The following EBF4 variants were observed in gnomAD, a reference collection of about 807,000 sequenced individuals.
EBF4 encodes EBF transcription factor 4, also known as transcription factor COE4.
A neutral mutation model predicts 67.1 loss-of-function variants in EBF4; 34 were observed. The observed-to-expected ratio is 0.51, with a 90% confidence interval of 0.39 to 0.67. EBF4 has a LOEUF of 0.67. Ranked by LOEUF, EBF4 falls within the 30% of genes least tolerant of loss-of-function variation. The pLI is 0.00. For synonymous variants in EBF4, 387 were observed against 377.7 expected (o/e 1.02, Z -0.29); for missense variants, 837 against 873.3 (o/e 0.96, Z 0.52).
At chr20:2,749,592 C>G (rs1274816751) in intron 8 of EBF4, 28 bp from the exon 9 acceptor site, 4 of 1,550,166 alleles carry the variant, frequency 2.6e-6, no homozygotes, top group African/African-American at 1.4e-5. Flanking sequence ...GCGCGGTCCC[C>G]TGACCTGGGT....
At chr20:2,740,532 C>T (rs1349979980) in intron 6 of EBF4, among the ~76,000 whole-genome samples, 3 of 152,134 alleles carry the variant, frequency 2.0e-5, no homozygotes. Flanking sequence ...CTTTGAGTTA[C>T]TGACAGCTTT....
At chr20:2,750,064 G>C (rs1600242661) in intron 10 of EBF4, 91 bp downstream of exon 10, 1 of 1,457,132 alleles carries the variant, frequency 6.9e-7, no homozygotes, top group East Asian at 2.5e-5. Context: ...ATAGGAGTTA[G>C]CCGAGCTCTA....
At chr20:2,710,699 C>T (rs2087530937) in intron 6 of EBF4, among the ~76,000 whole-genome samples, 1 of 152,114 alleles carries the variant, frequency 6.6e-6, no homozygotes, top group Non-Finnish European at 1.5e-5. Flanking sequence ...AGCAAACTGT[C>T]TCCCACCTCT....
At chr20:2,724,458 T>C (rs1454144437) in intron 6 of EBF4, among the ~76,000 whole-genome samples, 6 of 152,236 alleles carry the variant, frequency 3.9e-5, no homozygotes, top group African/African-American at 1.4e-4. Flanking sequence ...CTTTTAGAAG[T>C]TCCTTGAAAA....
In EBF4 at chr20:2,712,927, G is replaced by A. The variant is rs78251073; in HGVS notation, c.557+3285G>A. Among the ~76,000 whole-genome samples the A allele has an allele frequency of 6.0e-3, 908 of 152,314 alleles. 5 individuals carry two copies. The highest frequency in any genetic ancestry group is 0.02 in the Middle Eastern group (6 of 294). ...TGACCATTAGATTTAGCAATGAGGA[G>A]GATATTGGTGACTGTCACGGGAGTC... On this transcript the variant is annotated intron_variant, in intron 6 of 16. Coordinates refer to ENST00000609451, the Ensembl canonical transcript of EBF4.
chr20:2,723,556 A>G (rs958165312), intron 6 of EBF4, among the ~76,000 whole-genome samples: 1 of 151,916 alleles, frequency 6.6e-6, no homozygotes, highest in Admixed American at 6.6e-5. Flanking sequence ...TCACCGTGTT[A>G]GCCAGGATGG....
exon 9 of EBF4, chr20:2,749,664 A>G: frequency 1.3e-6 from 2 of 1,567,648 alleles, no homozygotes; most frequent in Non-Finnish European, 1.7e-6. Flanking sequence ...GGAGGGCTGG[A>G]CCACGGGCGG....
At chr20:2,748,680 G>A in intron 7 of EBF4, 50 bp downstream of exon 7, 2 of 1,515,342 alleles carry the variant, frequency 1.3e-6, no homozygotes, top group Non-Finnish European at 1.8e-6. Context: ...TTTCCTGATG[G>A]AGGGGAGGGG....
intron 14 of EBF4, 60 bp downstream of exon 14, chr20:2,752,605 C>A: frequency 8.4e-7 from 1 of 1,185,206 alleles, no homozygotes; most frequent in Non-Finnish European, 1.1e-6. Context: ...GGGACTCAGC[C>A]CCGCCCCCGC....
chr20:2,723,028 G>T (rs574728033), intron 6 of EBF4, among the ~76,000 whole-genome samples: 5 of 152,142 alleles, frequency 3.3e-5, no homozygotes, highest in Non-Finnish European at 5.9e-5. Flanking sequence ...GATAGATGAG[G>T]TTATAATCTC....
intron 8 of EBF4, 43 bp downstream of exon 8, chr20:2,749,561 A>T: frequency 6.5e-7 from 1 of 1,538,572 alleles, no homozygotes; most frequent in Non-Finnish European, 8.8e-7. Flanking sequence ...GGGCCCAGCC[A>T]GCCCCCCAGG....
intron 6 of EBF4, among the ~76,000 whole-genome samples, chr20:2,733,289 A>T (rs1309074265): frequency 6.6e-6 from 1 of 152,160 alleles, no homozygotes; most frequent in African/African-American, 2.4e-5. Flanking sequence ...GATTCCTTAT[A>T]TATGACGAGT....
chr20:2,759,242 C>A, intron 16 of EBF4, 26 bp from the exon 17 acceptor site: 1 of 540,564 alleles, frequency 1.8e-6, no homozygotes, highest in Non-Finnish European at 3.3e-6. Context: ...CCCCGACCTT[C>A]TTCTCTCCCT....
At chr20:2,727,976 T>C (rs934586374) in intron 6 of EBF4, among the ~76,000 whole-genome samples, 1 of 152,208 alleles carries the variant, frequency 6.6e-6, no homozygotes, top group African/African-American at 2.4e-5. Context: ...TCCTCAGATA[T>C]ATGACTTGCA....
chr20:2,724,287 T>C (rs2087721194), intron 6 of EBF4, among the ~76,000 whole-genome samples: 1 of 152,218 alleles, frequency 6.6e-6, no homozygotes, highest in South Asian at 2.1e-4. Context: ...CTTAGGCCAT[T>C]CTATCACACC....
At chr20:2,705,777 AC>A in intron 2 of EBF4, 44 bp downstream of exon 2, 1 of 1,372,974 alleles carries the variant, frequency 7.3e-7, no homozygotes, top group Non-Finnish European at 9.8e-7. Flanking sequence ...CCGGGAGGGA[AC>A]CCCCAACCAC....
At chr20:2,725,800 C>T (rs928374864) in intron 6 of EBF4, among the ~76,000 whole-genome samples, 6 of 152,152 alleles carry the variant, frequency 3.9e-5, no homozygotes, top group South Asian at 2.1e-4. Context: ...TTCTCCATCC[C>T]GGTGTTTATA....
rs199823018 is a variant in EBF4, at chr20:2,694,521, G to GC, written c.137+744dup. Among the ~76,000 whole-genome samples the GC allele has an allele frequency of 6.3e-3, 961 of 152,246 alleles. 17 individuals carry two copies. Among genetic ancestry groups the GC allele is most frequent in the African/African-American group, 0.022 (905 of 41,542 alleles). On this transcript the variant is annotated intron_variant, in intron 1 of 16. Coordinates refer to ENST00000609451, the Ensembl canonical transcript of EBF4. Reference sequence around the variant, plus strand: ...GCGAACTTTAAAAGTTTATTGACCTGCCCCCAAAGCCCCTGCACCCCCTGG... The same window carrying GC: ...GCGAACTTTAAAAGTTTATTGACCTGCCCCCCAAAGCCCCTGCACCCCCTGG...
At chr20:2,705,909 G>C in intron 2 of EBF4, 65 bp from the exon 3 acceptor site, 5 of 1,522,938 alleles carry the variant, frequency 3.3e-6, no homozygotes, top group Non-Finnish European at 4.4e-6. Context: ...GTTAGGAGAA[G>C]GGGTGGACAA....
Sources: allele counts gnomAD v4.1 joint callset (sites outside exome capture counted in the v4.1 genomes callset), GRCh38; gene constraint gnomAD v4.1.1; transcripts MANE v1.5; gene names NCBI Gene and HGNC (gene_info 2026-07-23, HGNC 2026-07-21).